NTM: variants seen among roughly 807,000 people sequenced by gnomAD.
The protein encoded by NTM is IgLON family member 2.
In NTM, 13 loss-of-function variants were observed where a neutral mutation model predicts 42.1. The observed-to-expected ratio is 0.31, with a 90% CI of 0.20 to 0.49. The LOEUF is 0.49. NTM is among the 20% of genes least tolerant of loss of function. NTM has a pLI of 0.99. For missense variants in NTM, 373 were observed against 452.8 expected, an observed-to-expected ratio of 0.82 and a Z score of 1.60; for synonymous variants, 187 against 179.2, an observed-to-expected ratio of 1.04 and a Z score of -0.35.
At chr11:132,132,808 C>T (rs964643620) in intron 2 of NTM, among the ~76,000 whole-genome samples, 5 of 152,188 alleles carry the variant, frequency 3.3e-5, no homozygotes, top group Non-Finnish European at 7.3e-5. Flanking sequence ...CCATGGAAAT[C>T]AAGCTACTAG....
At chr11:132,280,395 T>C (rs949239704) in intron 4 of NTM, among the ~76,000 whole-genome samples, 3 of 151,860 alleles carry the variant, frequency 2.0e-5, no homozygotes, top group African/African-American at 7.3e-5. Context: ...TCTTTAGTTT[T>C]CGGGTGAACT....
intron 1 of NTM, among the ~76,000 whole-genome samples, chr11:131,567,228 C>T (rs1442209482): frequency 2.0e-5 from 3 of 152,082 alleles, no homozygotes; most frequent in South Asian, 2.1e-4. Flanking sequence ...CAGTGGCTCA[C>T]GCATGTAATT....
intron 1 of NTM, among the ~76,000 whole-genome samples, chr11:131,763,746 A>G (rs1034767686): frequency 2.5e-4 from 14 of 55,590 alleles, no homozygotes; most frequent in African/African-American, 8.9e-4. Context: ...GGCATTGCTT[A>G]ATGATTTCCT....
intron 1 of NTM, among the ~76,000 whole-genome samples, chr11:131,741,932 A>G (rs1162784888): frequency 1.3e-5 from 2 of 152,186 alleles, no homozygotes; most frequent in South Asian, 2.1e-4. Flanking sequence ...CCGGACCATC[A>G]ATGGAGCTGG....
At chr11:131,751,446 C>A (rs1019003911) in intron 1 of NTM, among the ~76,000 whole-genome samples, 1 of 151,946 alleles carries the variant, frequency 6.6e-6, no homozygotes, top group Non-Finnish European at 1.5e-5. Context: ...AAAAATTAGC[C>A]GGGCGCGGTG....
intron 2 of NTM, among the ~76,000 whole-genome samples, chr11:132,025,758 A>G (rs1184514453): frequency 6.6e-6 from 1 of 152,186 alleles, no homozygotes; most frequent in African/African-American, 2.4e-5. Context: ...ATGATTATTG[A>G]GGAATAGCTT....
intron 4 of NTM, among the ~76,000 whole-genome samples, chr11:132,269,446 T>C (rs2093375485): frequency 6.6e-6 from 1 of 152,208 alleles, no homozygotes; most frequent in Non-Finnish European, 1.5e-5. Context: ...TACCGTTTGG[T>C]ACTTCTCTAT....
intron 2 of NTM, among the ~76,000 whole-genome samples, chr11:131,961,403 T>C (rs1297466589): frequency 6.6e-6 from 1 of 152,222 alleles, no homozygotes; most frequent in Non-Finnish European, 1.5e-5. Context: ...AGCTTGGTGA[T>C]ACCAGATGCC....
intron 2 of NTM, among the ~76,000 whole-genome samples, chr11:132,015,193 G>C (rs2073161739): frequency 6.6e-6 from 1 of 151,910 alleles, no homozygotes; most frequent in Non-Finnish European, 1.5e-5. Flanking sequence ...TCAAAAATCA[G>C]TTGGCCATAA....
intron 1 of NTM, among the ~76,000 whole-genome samples, chr11:131,780,183 T>A (rs749110856): frequency 6.6e-6 from 1 of 152,188 alleles, no homozygotes; most frequent in African/African-American, 2.4e-5. Context: ...GGGAGGTGAA[T>A]TTGTGAGGCA....
At chr11:131,631,223 T>A (rs2137775628) in intron 1 of NTM, among the ~76,000 whole-genome samples, 1 of 152,204 alleles carries the variant, frequency 6.6e-6, no homozygotes, top group African/African-American at 2.4e-5. Flanking sequence ...TTGTGAAGAG[T>A]TTATGGGACA....
intron 3 of NTM, among the ~76,000 whole-genome samples, chr11:132,198,300 A>C (rs2080607215): frequency 6.6e-6 from 1 of 151,780 alleles, no homozygotes; most frequent in Non-Finnish European, 1.5e-5. Context: ...CAACTTCCTG[A>C]GCTAAAGTGA....
intron 1 of NTM, among the ~76,000 whole-genome samples, chr11:131,792,295 G>A (rs1157887271): frequency 1.3e-5 from 2 of 152,144 alleles, no homozygotes; most frequent in South Asian, 2.1e-4. Context: ...TATTTGGTGG[G>A]TAATGCAACT....
At chr11:131,423,857 C>A (rs1395906547) in intron 1 of NTM, among the ~76,000 whole-genome samples, 1 of 152,184 alleles carries the variant, frequency 6.6e-6, no homozygotes, top group South Asian at 2.1e-4. Context: ...CTGTAGACAG[C>A]AATTCCAGTT....
chr11:132,296,337 G>C (rs1007395547), intron 4 of NTM, among the ~76,000 whole-genome samples: 1 of 152,284 alleles, frequency 6.6e-6, no homozygotes, highest in East Asian at 1.9e-4. Flanking sequence ...AAGTAGTAGA[G>C]GAGTGGGCCT....
At chr11:131,382,491 C>A (rs768793118) in intron 1 of NTM, among the ~76,000 whole-genome samples, 20 of 151,884 alleles carry the variant, frequency 1.3e-4, no homozygotes, top group Non-Finnish European at 2.8e-4. Flanking sequence ...GTTATCATCA[C>A]TTGTGAAAAA....
Position 132,246,529 on chromosome 11 carries a change from C to T in NTM, c.526+34382C>T, listed in dbSNP as rs553674635. ...AATCTGGAGCCATGTGCACTCTCCC[C>T]CTCCTCCAATTATTGATAGTTGACT... is the stretch of plus-strand genomic sequence containing the variant. On this transcript the variant is annotated intron_variant, in intron 4 of 8. Transcript: ENST00000683400. Among the ~76,000 whole-genome samples, 3 of 152,318 alleles carry T rather than the reference C, an allele frequency of 2.0e-5. No homozygotes were observed. The East Asian group carries it at 5.8e-4, about 29-fold the overall frequency.
chr11:131,793,537 A>G (rs930346161), intron 1 of NTM, among the ~76,000 whole-genome samples: 2 of 152,226 alleles, frequency 1.3e-5, no homozygotes, highest in East Asian at 1.9e-4. Context: ...GAGATGTTAA[A>G]CAATTTCTCA....
chr11:131,961,505 G>A (rs193019433), intron 2 of NTM, among the ~76,000 whole-genome samples: 170 of 152,292 alleles, frequency 1.1e-3, no homozygotes, highest in Non-Finnish European at 2.0e-3. Context: ...GTGCAGCATT[G>A]CTAGACTGAA....
Sources: allele counts gnomAD v4.1 joint callset (sites outside exome capture counted in the v4.1 genomes callset), GRCh38; gene constraint gnomAD v4.1.1; transcripts MANE v1.5; gene names NCBI Gene and HGNC (gene_info 2026-07-23, HGNC 2026-07-21).